Variants in ZNF428 observed in about 807,000 individuals in gnomAD.
ZNF428 encodes enzyme-like protein PIT13.
Under a neutral mutation model 15.6 loss-of-function variants are expected in ZNF428, and 5 were observed. The observed-to-expected ratio is 0.32, with a 90% CI of 0.17 to 0.67. ZNF428 has a LOEUF of 0.67. Among genes scored for constraint, ZNF428 ranks in the 30% least tolerant of loss-of-function variants. The pLI is 0.73. For missense variants in ZNF428, 237 were observed against 256.0 expected, an observed-to-expected ratio of 0.93 and a Z score of 0.51; for synonymous variants, 97 against 102.2, an observed-to-expected ratio of 0.95 and a Z score of 0.31.
At chr19:43,618,322 C>G (rs1261258663) in intron 1 of ZNF428, among the ~76,000 whole-genome samples, 1 of 151,836 alleles carries the variant, frequency 6.6e-6, no homozygotes, top group Non-Finnish European at 1.5e-5. Flanking sequence ...CGTGAGCCAC[C>G]GCGCCCAGCC....
intron 1 of ZNF428, among the ~76,000 whole-genome samples, chr19:43,618,934 A>G (rs1973402551): frequency 6.6e-6 from 1 of 152,072 alleles, no homozygotes; most frequent in Admixed American, 6.6e-5. Flanking sequence ...AGAGTATTCC[A>G]GACGTCAGGT....
intron 2 of ZNF428, among the ~76,000 whole-genome samples, chr19:43,609,740 C>T (rs79113296): frequency 2.7e-4 from 40 of 150,078 alleles, no homozygotes; most frequent in African/African-American, 9.1e-4. Context: ...AGACTCCGTT[C>T]CCAAAAAAAA....
chr19:43,607,942 C>T lies in ZNF428; in HGVS notation c.242G>A (p.Arg81Gln), dbSNP rs1374515824. The change falls in exon 3 of 3, where the codon CGG becomes CAG. Residue 81 changes from arginine to glutamine, a missense_variant. By Grantham distance (43) the Arg-to-Gln change is conservative (BLOSUM62 1). Transcript: ENST00000300811. The surrounding 1 kb of genome is among the most constrained non-coding windows in gnomAD (Gnocchi z 5.1). ...LGGGRGGPSR[R>Q]APRAAQPPAQ... ...CGGGGGCTGGGCTGCACGGGGGGCC[C>T]GGCGGGATGGGCCACCACGGCCCCC... is the stretch of plus-strand genomic sequence containing the variant. The T allele has an allele frequency of 7.0e-6, 11 of 1,582,492 alleles. No homozygotes were observed. The highest frequency in any genetic ancestry group is 2.3e-5 in the South Asian group (2 of 88,360).
rs1046535598 is a variant in ZNF428 at position 43,613,376 on chromosome 19, C to T, written c.76+853G>A. ...GAGAGATCGCAGCCGATCTAGAAGTCCCTACAAGGCGAGAGATCGCAGCCG... is the reference window on the plus strand; with the variant it reads ...GAGAGATCGCAGCCGATCTAGAAGTTCCTACAAGGCGAGAGATCGCAGCCG... On this transcript the variant is annotated intron_variant, in intron 2 of 2. Transcript: ENST00000300811. 21 of 1,549,754 alleles carry T rather than the reference C, an allele frequency of 1.4e-5. No homozygotes were observed. In the African/African-American group the frequency reaches 1.7e-4, roughly 12 times the overall value.
chr19:43,613,992 G>A (rs1336362370), intron 2 of ZNF428: 1 of 1,551,730 alleles, frequency 6.4e-7, no homozygotes, highest in Non-Finnish European at 8.7e-7. Context: ...AGAACCCCCA[G>A]CAAAGAAGGA....
At chr19:43,613,688 C>G in intron 2 of ZNF428, 2 of 1,551,458 alleles carry the variant, frequency 1.3e-6, no homozygotes, top group Non-Finnish European at 1.7e-6. Flanking sequence ...AGATCACAGA[C>G]GATCTAGAAG....
intron 2 of ZNF428, chr19:43,613,543 C>G: frequency 6.4e-7 from 1 of 1,551,298 alleles, no homozygotes. Context: ...GAGATCGCAG[C>G]CGATCTAGAA....
At position 43,612,320 on chromosome 19, in the gene ZNF428, T is replaced by C; in HGVS notation, c.76+1909A>G. On this transcript the variant is annotated intron_variant, in intron 2 of 2. Coordinates refer to ENST00000300811, the MANE Select transcript of ZNF428 (RefSeq NM_182498.4). This position sits in a 1 kb window ranked among gnomAD's most constrained non-coding sequence, Gnocchi z 4.2. ...CCCAAGCAGTTCCAAGTCCACCAAA[T>C]CGACCAGTACAAAAAGAGCCCCTTC... 6.4e-7 allele frequency: 1 copy of C among 1,551,296 alleles called. No homozygotes were observed. The highest frequency in any genetic ancestry group is 1.2e-5 in the South Asian group (1 of 84,028).
At position 43,612,222 on chromosome 19, in the gene ZNF428, C is replaced by A. The variant is rs1212309178; in HGVS notation, c.76+2007G>T. The A allele has an allele frequency of 5.8e-6, 9 of 1,551,718 alleles. No homozygotes were observed. The highest frequency in any genetic ancestry group is 7.8e-6 in the Non-Finnish European group (9 of 1,146,998). On this transcript the variant is annotated intron_variant, in intron 2 of 2. Transcript: ENST00000300811. The surrounding 1 kb of genome is among the most constrained non-coding windows in gnomAD (Gnocchi z 4.2). ...CCCAAGCCTCCTGCCTCCTTGAAGT[C>A]CACCAAATCAGCAACACCCAACAGA...
rs921594809 is a variant in ZNF428, at chr19:43,614,364, G to A, written c.-60C>T. ...AGCAGCTGAGCAGCGTCCCTCCCCG[G>A]CCAGCTCTCCACAGCCACACCTCCG... On this transcript the variant is annotated 5_prime_UTR_variant, in exon 2 of 3. Coordinates refer to ENST00000300811, the MANE Select transcript of ZNF428 (RefSeq NM_182498.4). 3.3e-5 allele frequency: 51 copies of A among 1,535,896 alleles called. No homozygotes were observed. The highest frequency in any genetic ancestry group is 4.1e-5 in the Non-Finnish European group (47 of 1,145,398).
In ZNF428 at chr19:43,612,982, C is replaced by T. The variant is rs1331379594; in HGVS notation, c.76+1247G>A. 6.4e-7 allele frequency: 1 copy of T among 1,551,674 alleles called. No individual in the cohort carries two copies. The highest frequency in any genetic ancestry group is 2.0e-5 in the Admixed American group (1 of 50,986). On this transcript the variant is annotated intron_variant, in intron 2 of 2. Coordinates refer to ENST00000300811, the MANE Select transcript of ZNF428 (RefSeq NM_182498.4). This position sits in a 1 kb window ranked among gnomAD's most constrained non-coding sequence, Gnocchi z 4.2. ...AAAGTCACAGCCAATCTAGAAGCCC[C>T]AGAAGGTCAAGAAGTGGCAGTCAGA...
intron 2 of ZNF428, among the ~76,000 whole-genome samples, chr19:43,610,261 G>A (rs1236881304): frequency 6.6e-6 from 1 of 151,744 alleles, no homozygotes; most frequent in East Asian, 1.9e-4. Flanking sequence ...GTGCAGTGGC[G>A]TGATCTCAGC....
chr19:43,608,371 T>C, intron 2 of ZNF428: 1 of 399,130 alleles, frequency 2.5e-6, no homozygotes, highest in Non-Finnish European at 4.4e-6. Flanking sequence ...CTTATGCCTG[T>C]AATCCCAGCA....
At position 43,614,234 on chromosome 19, in the gene ZNF428, G is replaced by A. The variant is rs768720933; in HGVS notation, c.71C>T (p.Ser24Phe). ...CACCTCTAAGGCCACCTTACCTGGG[G>A]AAAGGTCTTCATCATCTTCTTCCAA... The part of the protein sequence containing the change: ...ASLEEDDEDL[S>F]PGPEHSSDSE... The change falls in exon 2 of 3, where the codon TCC (serine) becomes TTC (phenylalanine). Residue 24 changes from serine to phenylalanine, a missense_variant. By Grantham distance (155) the Ser-to-Phe change is radical. Coordinates refer to ENST00000300811, the MANE Select transcript of ZNF428 (RefSeq NM_182498.4). 10 of 1,614,076 alleles carry A rather than the reference G, an allele frequency of 6.2e-6. No individual in the cohort carries two copies. The African/African-American group carries it at 1.3e-4, about 22-fold the overall frequency.
intron 2 of ZNF428, among the ~76,000 whole-genome samples, chr19:43,609,471 G>A (rs1347832301): frequency 1.3e-5 from 2 of 152,102 alleles, no homozygotes; most frequent in African/African-American, 4.8e-5. Flanking sequence ...TAGGTTTAAA[G>A]AAAAAGGCCT....
chr19:43,607,764 C>G lies in ZNF428; in HGVS notation c.420G>C (p.Arg140=), dbSNP rs1738363476. 1 of 1,607,820 alleles carries G rather than the reference C, an allele frequency of 6.2e-7. No individual in the cohort carries two copies. Among genetic ancestry groups the G allele is most frequent in the Non-Finnish European group, 8.5e-7 (1 of 1,177,116 alleles). ...GCCCAGCTGGTCGGCCCTCCCCAGC[C>G]CGAGGTGGTTCCTCCTCTTCCTCCC... ...ALGEEEEEPP[R]AGEGRPAGRE... Residue 140 remains arginine (R), a synonymous_variant, in exon 3 of 3, where the codon CGG becomes CGC. Transcript: ENST00000300811. This position sits in a 1 kb window ranked among gnomAD's most constrained non-coding sequence, Gnocchi z 5.1.
In ZNF428 at chr19:43,607,746, T is replaced by G. The variant is rs1177613611; in HGVS notation, c.438A>C (p.Pro146=). The G allele has an allele frequency of 6.2e-7, 1 of 1,611,394 alleles. No homozygotes were observed. The highest frequency in any genetic ancestry group is 8.5e-7 in the Non-Finnish European group (1 of 1,178,952). Reference sequence around the variant, plus strand: ...CTTCCTCCTCCTCCTCCCGCCCAGCTGGTCGGCCCTCCCCAGCCCGAGGTG... The same window carrying G: ...CTTCCTCCTCCTCCTCCCGCCCAGCGGGTCGGCCCTCCCCAGCCCGAGGTG... ...EEPPRAGEGR[P]AGREEEEEEE... Residue 146 remains proline, a synonymous_variant, in exon 3 of 3, where the codon CCA becomes CCC. Coordinates refer to ENST00000300811, the MANE Select transcript of ZNF428 (RefSeq NM_182498.4). This position sits in a 1 kb window ranked among gnomAD's most constrained non-coding sequence, Gnocchi z 5.1.
rs1973319663 is a variant in ZNF428, at chr19:43,612,965, A to G, written c.76+1264T>C. The G allele has an allele frequency of 6.4e-7, 1 of 1,551,608 alleles. No homozygotes were observed. The highest frequency in any genetic ancestry group is 2.0e-5 in the Admixed American group (1 of 50,980). On this transcript the variant is annotated intron_variant, in intron 2 of 2. Transcript: ENST00000300811. This position sits in a 1 kb window ranked among gnomAD's most constrained non-coding sequence, Gnocchi z 4.2. ...CACCCGCAGCAGGCCGCAAAGTCAC[A>G]GCCAATCTAGAAGCCCCAGAAGGTC...
intron 1 of ZNF428, among the ~76,000 whole-genome samples, chr19:43,615,884 AG>A (rs1035387237): frequency 5.3e-5 from 8 of 152,168 alleles, no homozygotes; most frequent in African/African-American, 1.9e-4. Flanking sequence ...TCAGGTGGTT[AG>A]CTATGCGGAA....
Sources: allele counts gnomAD v4.1 joint callset (sites outside exome capture counted in the v4.1 genomes callset), GRCh38; gene constraint gnomAD v4.1.1; non-coding constraint Gnocchi (gnomAD v3.1); transcripts MANE v1.5; gene names NCBI Gene and HGNC (gene_info 2026-07-23, HGNC 2026-07-21).